The following GDF6 variants were observed in gnomAD, a reference collection of about 807,000 sequenced individuals.
GDF6 encodes the protein growth differentiation factor 6.
A neutral mutation model predicts 32.4 loss-of-function variants in GDF6; 3 were observed. That is an observed-to-expected ratio of 0.09 (90% CI 0.04 to 0.24). The LOEUF (loss-of-function observed/expected upper bound fraction) is 0.24. Ranked by LOEUF, GDF6 falls within the 10% of genes least tolerant of loss-of-function variation. GDF6 has a pLI of 1.00. For missense variants in GDF6, 589 were observed against 637.9 expected (o/e 0.92, Z 0.83); for synonymous variants, 296 against 295.3 (o/e 1.00, Z -0.03).
Position 96,160,443 on chromosome 8 carries a change from C to T in GDF6, c.250G>A (p.Glu84Lys), listed in dbSNP as rs148321868. The change falls in exon 1 of 2, where the codon GAG becomes AAG. Residue 84 changes from glutamate to lysine, a missense_variant. Physicochemically the swap from Glu to Lys is moderately conservative, Grantham distance 56 (BLOSUM62 1). Coordinates refer to ENST00000287020, the MANE Select transcript of GDF6 (RefSeq NM_001001557.4). ...EPRAQQPRAQ[E>K]PPGRGPRVVP... ...ACGCGCGGACCCCTGCCTGGCGGCT[C>T]CTGCGCCCGGGGCTGCTGAGCCCGG... 7.1e-5 allele frequency: 114 copies of T among 1,613,832 alleles called. 1 individual carries two copies. In the African/African-American group the frequency reaches 1.3e-3, roughly 19 times the overall value.
intron 1 of GDF6, among the ~76,000 whole-genome samples, chr8:96,151,287 A>G (rs755152167): frequency 6.6e-6 from 1 of 152,226 alleles, no homozygotes; most frequent in Non-Finnish European, 1.5e-5. Flanking sequence ...AATAATCGTT[A>G]AGAGCAAACA....
In GDF6 at chr8:96,143,443, C is replaced by T. The variant is rs879591583; in HGVS notation, c.*1120G>A. 3 of 152,766 alleles carry T rather than the reference C, an allele frequency of 2.0e-5. No individual in the cohort carries two copies. Among genetic ancestry groups the T allele is most frequent in the Non-Finnish European group, 2.9e-5 (2 of 68,130 alleles). The allele number at this position is 152,766 out of a possible 1,614,324, so 9.5% of individuals were successfully genotyped here. A position where few individuals can be genotyped will look rare whatever the true frequency, so the allele number is the denominator to read the frequency against. ...TGATCCCCATCCTCCCTGAGGCCCA[C>T]CATCTTCCCTCCTGATGGGACTCCT... is the stretch of plus-strand genomic sequence containing the variant. On this transcript the variant is annotated 3_prime_UTR_variant, in exon 2 of 2. Coordinates refer to ENST00000287020, the MANE Select transcript of GDF6 (RefSeq NM_001001557.4).
chr8:96,144,909 C>T lies in GDF6; in HGVS notation c.1022G>A (p.Arg341His), dbSNP rs764936321. 9.3e-6 allele frequency: 15 copies of T among 1,611,072 alleles called. No homozygotes were observed. Among genetic ancestry groups the T allele is most frequent in the Non-Finnish European group, 1.1e-5 (13 of 1,178,950 alleles). Reference sequence around the variant, plus strand: ...CTTCTTGCCGTGCCGCTTGCCATGGCGACTGGCGAAGGCCGTGCGCCGCCG... The same window carrying T: ...CTTCTTGCCGTGCCGCTTGCCATGGTGACTGGCGAAGGCCGTGCGCCGCCG... ...RRRRRTAFAS[R>H]HGKRHGKKSR... Residue 341 changes from arginine (R) to histidine (H), a missense_variant, in exon 2 of 2, where the codon CGC becomes CAC. Transcript: ENST00000287020. The surrounding 1 kb of genome is among the most constrained non-coding windows in gnomAD (Gnocchi z 5.1).
At position 96,144,504 on chromosome 8, in the gene GDF6, C is replaced by G. The variant is rs1374168415; in HGVS notation, c.*59G>C. On this transcript the variant is annotated 3_prime_UTR_variant, in exon 2 of 2. Coordinates refer to ENST00000287020, the MANE Select transcript of GDF6 (RefSeq NM_001001557.4). This position sits in a 1 kb window ranked among gnomAD's most constrained non-coding sequence, Gnocchi z 5.1. ...TCCGCCTCTCTGCAGCCAGGCCTCC[C>G]CTGCAAGGCGGACCTTGGCCCACCT... The G allele has an allele frequency of 6.3e-7, 1 of 1,591,114 alleles. No homozygotes were observed. The highest frequency in any genetic ancestry group is 2.3e-5 in the East Asian group (1 of 43,852).
chr8:96,145,606 A>C lies in GDF6; in HGVS notation c.407-82T>G, dbSNP rs901094674. The C allele has an allele frequency of 2.7e-5, 42 of 1,559,208 alleles. No individual in the cohort carries two copies. In the Middle Eastern group the frequency reaches 5.6e-4, roughly 21 times the overall value. On this transcript the variant is annotated intron_variant, in intron 1 of 1. Coordinates refer to ENST00000287020, the MANE Select transcript of GDF6 (RefSeq NM_001001557.4). The surrounding 1 kb of genome is among the most constrained non-coding windows in gnomAD (Gnocchi z 5.6). Reference sequence around the variant, plus strand: ...GCTCTTCGGCCGCCCCGGGAGGAAAAGGGCGGGGAGTGGGGGCAGGTCGGC... The same window carrying C: ...GCTCTTCGGCCGCCCCGGGAGGAAACGGGCGGGGAGTGGGGGCAGGTCGGC...
At chr8:96,159,288 A>T (rs1812720582) in intron 1 of GDF6, among the ~76,000 whole-genome samples, 1 of 151,330 alleles carries the variant, frequency 6.6e-6, no homozygotes, top group African/African-American at 2.4e-5. Context: ...TCTCTCCTTT[A>T]GGAGCTTAGT....
At chr8:96,157,531 C>A (rs116719470) in intron 1 of GDF6, among the ~76,000 whole-genome samples, 1 of 152,134 alleles carries the variant, frequency 6.6e-6, no homozygotes, top group Non-Finnish European at 1.5e-5. Context: ...GCCAGCCCCA[C>A]TCGACGGCGA....
chr8:96,159,905 C>T (rs573788048), intron 1 of GDF6, among the ~76,000 whole-genome samples: 2 of 152,316 alleles, frequency 1.3e-5, no homozygotes, highest in African/African-American at 2.4e-5. Context: ...GACTGCGAAC[C>T]CAGTATCCCG....
In GDF6 at chr8:96,144,286, G is replaced by GAGAGAGAGAA. The variant is rs1812426063; in HGVS notation, c.*276_*277insTTCTCTCTCT. ...AGAGAGAGAGAGAGAGAGAGAGAGA[G>GAGAGAGAGAA]AGAGAAAACAGAACAAAAGAAATCC... is the stretch of plus-strand genomic sequence containing the variant. On this transcript the variant is annotated 3_prime_UTR_variant, in exon 2 of 2. Transcript: ENST00000287020. The surrounding 1 kb of genome is among the most constrained non-coding windows in gnomAD (Gnocchi z 5.1). 1 of 475,646 alleles carries GAGAGAGAGAA rather than the reference G, an allele frequency of 2.1e-6. No homozygotes were observed. The highest frequency in any genetic ancestry group is 3.8e-6 in the Non-Finnish European group (1 of 261,824). The allele number at this position is 475,646 out of a possible 1,614,324, so 29.5% of individuals were successfully genotyped here. A position where few individuals can be genotyped will look rare whatever the true frequency, so the allele number is the denominator to read the frequency against.
chr8:96,148,343 T>C (rs1812516663), intron 1 of GDF6, among the ~76,000 whole-genome samples: 1 of 152,194 alleles, frequency 6.6e-6, no homozygotes, highest in South Asian at 2.1e-4. Context: ...ACTGAATGGA[T>C]GAAGAGGCTG....
rs1364858902 is a variant in GDF6, at chr8:96,145,133, G to T, written c.798C>A (p.Gly266=). 1.3e-6 allele frequency: 2 copies of T among 1,514,730 alleles called. No homozygotes were observed. The highest frequency in any genetic ancestry group is 2.0e-5 in the Admixed American group (1 of 49,794). The allele number at this position is 1,514,730 out of a possible 1,614,324, so 93.8% of individuals were successfully genotyped here. A position where few individuals can be genotyped will look rare whatever the true frequency, so the allele number is the denominator to read the frequency against. ...PPPDLRSLGF[G]RRVRPPQERA... is the part of the protein sequence containing the mutation. ...GCTCCTGGGGAGGCCGCACCCTCCG[G>T]CCGAAGCCCAGACTCCGCAGGTCCG... Residue 266 remains glycine, a synonymous_variant, in exon 2 of 2, where the codon GGC becomes GGA. Transcript: ENST00000287020. This position sits in a 1 kb window ranked among gnomAD's most constrained non-coding sequence, Gnocchi z 5.6.
intron 1 of GDF6, among the ~76,000 whole-genome samples, chr8:96,154,966 C>T (rs1812634941): frequency 6.6e-6 from 1 of 152,168 alleles, no homozygotes; most frequent in Non-Finnish European, 1.5e-5. Flanking sequence ...CCAGGTGACA[C>T]GCATCCTCTC....
rs1364858902 is a variant in GDF6, at chr8:96,145,133, G to A, written c.798C>T (p.Gly266=). The A allele has an allele frequency of 2.0e-6, 3 of 1,514,728 alleles. No individual in the cohort carries two copies. The highest frequency in any genetic ancestry group is 1.4e-5 in the African/African-American group (1 of 69,582). The allele number at this position is 1,514,728 out of a possible 1,614,324, so 93.8% of individuals were successfully genotyped here. Residue 266 remains glycine, a synonymous_variant, in exon 2 of 2, where the codon GGC becomes GGT. Transcript: ENST00000287020. The surrounding 1 kb of genome is among the most constrained non-coding windows in gnomAD (Gnocchi z 5.6). Reference sequence around the variant, plus strand: ...GCTCCTGGGGAGGCCGCACCCTCCGGCCGAAGCCCAGACTCCGCAGGTCCG... The same window carrying A: ...GCTCCTGGGGAGGCCGCACCCTCCGACCGAAGCCCAGACTCCGCAGGTCCG... ...PPPDLRSLGF[G]RRVRPPQERA...
At position 96,144,974 on chromosome 8, in the gene GDF6, G is replaced by T. The variant is rs757525366; in HGVS notation, c.957C>A (p.Ala319=). The change falls in exon 2 of 2, where the codon GCC becomes GCA. Residue 319 remains alanine (A), a synonymous_variant. Transcript: ENST00000287020. This position sits in a 1 kb window ranked among gnomAD's most constrained non-coding sequence, Gnocchi z 5.1. ...AEGSWPPPSG[A]PDARPWLPSP... Reference sequence around the variant, plus strand: ...AGGGCAGCCAAGGCCTGGCATCCGGGGCGCCCGACGGCGGCGGCCACGACC... The same window carrying T: ...AGGGCAGCCAAGGCCTGGCATCCGGTGCGCCCGACGGCGGCGGCCACGACC... 96 of 1,362,480 alleles carry T rather than the reference G, an allele frequency of 7.0e-5. No individual in the cohort carries two copies. The highest frequency in any genetic ancestry group is 1.9e-4 in the Admixed American group (5 of 26,454). 84.4% of individuals were successfully genotyped at this position (1,362,480 alleles called of 1,614,324 possible).
Position 96,144,919 on chromosome 8 carries a change from A to G in GDF6, c.1012T>C (p.Phe338Leu), listed in dbSNP as rs1167399158. The change falls in exon 2 of 2, where the codon TTC (phenylalanine) becomes CTC (leucine). Residue 338 changes from phenylalanine to leucine, a missense_variant. By Grantham distance (22) the Phe-to-Leu change is conservative. Around this residue, in one of 2 missense-constraint regions of GDF6, gnomAD observed 153 missense variants for 226.7 expected, o/e 0.67. Transcript: ENST00000287020. This position sits in a 1 kb window ranked among gnomAD's most constrained non-coding sequence, Gnocchi z 5.1. Reference sequence around the variant, plus strand: ...TGCCGCTTGCCATGGCGACTGGCGAAGGCCGTGCGCCGCCGCCGGCGGCCG... The same window carrying G: ...TGCCGCTTGCCATGGCGACTGGCGAGGGCCGTGCGCCGCCGCCGGCGGCCG... ...SPGRRRRRTA[F>L]ASRHGKRHGK... 5 of 1,606,668 alleles carry G rather than the reference A, an allele frequency of 3.1e-6. No individual in the cohort carries two copies. The East Asian group carries it at 6.7e-5, about 22-fold the overall frequency.
intron 1 of GDF6, among the ~76,000 whole-genome samples, chr8:96,157,780 G>T (rs1586124774): frequency 6.6e-6 from 1 of 152,152 alleles, no homozygotes; most frequent in East Asian, 1.9e-4. Flanking sequence ...GTTATGACAT[G>T]AACCCTCAAT....
intron 1 of GDF6, among the ~76,000 whole-genome samples, chr8:96,156,377 CCTCTCTCTCTCT>C (rs10569146): frequency 0.022 from 3,136 of 140,856 alleles, 112 homozygotes; most frequent in African/African-American, 0.076. Context: ...TCTCTCTTTC[CCTCTCTCTCTCT>C]CTCTCTCTCT....
intron 1 of GDF6, among the ~76,000 whole-genome samples, chr8:96,146,302 G>A (rs941240074): frequency 6.6e-6 from 1 of 151,294 alleles, no homozygotes; most frequent in Non-Finnish European, 1.5e-5. Flanking sequence ...CACTGTCTAA[G>A]GACAGGACTG....
In GDF6 at chr8:96,144,551, G is replaced by C. The variant is rs1030179298; in HGVS notation, c.*12C>G. 3.1e-6 allele frequency: 5 copies of C among 1,612,968 alleles called. 1 individual carries two copies. The Admixed American group carries it at 6.7e-5, about 22-fold the overall frequency. ...ACCTTGGTTCCGGGCCAAGGCGGCG[G>C]GAAAGGCACCGCTACCTGCAGCCGC... is the stretch of plus-strand genomic sequence containing the variant. On this transcript the variant is annotated 3_prime_UTR_variant, in exon 2 of 2. Transcript: ENST00000287020. This position sits in a 1 kb window ranked among gnomAD's most constrained non-coding sequence, Gnocchi z 5.1.
Sources: allele counts gnomAD v4.1 joint callset (sites outside exome capture counted in the v4.1 genomes callset), GRCh38; gene constraint gnomAD v4.1.1; regional missense constraint gnomAD v4.1.1; non-coding constraint Gnocchi (gnomAD v3.1); transcripts MANE v1.5; gene names NCBI Gene and HGNC (gene_info 2026-07-23, HGNC 2026-07-21).